The following AUTS2 variants were observed in gnomAD, a reference collection of about 807,000 sequenced individuals.
AUTS2 encodes activator of transcription and developmental regulator AUTS2, also known as autism susceptibility gene 2 protein.
A neutral mutation model predicts 112.4 loss-of-function variants in AUTS2; 17 were observed. That is an observed-to-expected ratio of 0.15 (90% CI 0.10 to 0.23). The LOEUF is 0.23. Among genes scored for constraint, AUTS2 ranks in the 10% least tolerant of loss-of-function variants. AUTS2 has a pLI of 1.00. For missense variants in AUTS2, 1,510 were observed against 1,701.6 expected (o/e 0.89, Z 1.98); for synonymous variants, 751 against 702.7 (o/e 1.07, Z -1.09).
At chr7:69,799,702 C>G (rs1189253965) in intron 1 of AUTS2, among the ~76,000 whole-genome samples, 1 of 152,176 alleles carries the variant, frequency 6.6e-6, no homozygotes, top group Non-Finnish European at 1.5e-5. Flanking sequence ...TTGGCATTCT[C>G]TATGTGGTTT....
chr7:70,133,127 A>G (rs193291808), intron 3 of AUTS2, among the ~76,000 whole-genome samples: 5 of 152,164 alleles, frequency 3.3e-5, no homozygotes, highest in East Asian at 1.9e-4. Flanking sequence ...TCACACATCT[A>G]TGGTGCTTCA....
At chr7:69,695,441 T>G (rs1164173963) in intron 1 of AUTS2, among the ~76,000 whole-genome samples, 1 of 152,148 alleles carries the variant, frequency 6.6e-6, no homozygotes, top group Non-Finnish European at 1.5e-5. Flanking sequence ...GTTATTCAGC[T>G]TAATAAAATA....
At chr7:69,625,419 A>G (rs1028348631) in intron 1 of AUTS2, among the ~76,000 whole-genome samples, 2 of 152,154 alleles carry the variant, frequency 1.3e-5, no homozygotes, top group African/African-American at 4.8e-5. Flanking sequence ...GTGGAAGGGC[A>G]GGCTTTGTGA....
At chr7:70,589,776 T>C (rs1052256079) in intron 5 of AUTS2, among the ~76,000 whole-genome samples, 1 of 152,154 alleles carries the variant, frequency 6.6e-6, no homozygotes, top group Admixed American at 6.5e-5. Flanking sequence ...GTTCAGCTTC[T>C]ATTATAGTTT....
intron 1 of AUTS2, among the ~76,000 whole-genome samples, chr7:69,721,866 G>A (rs765288842): frequency 6.6e-6 from 1 of 152,166 alleles, no homozygotes; most frequent in Non-Finnish European, 1.5e-5. Flanking sequence ...GAGTGATTTT[G>A]ATTTGGCTGC....
chr7:69,762,253 C>T (rs993978173), intron 1 of AUTS2, among the ~76,000 whole-genome samples: 5 of 136,044 alleles, frequency 3.7e-5, no homozygotes, highest in Admixed American at 7.5e-5. Context: ...AGTTCTTTCA[C>T]TTATGATCCT....
intron 1 of AUTS2, among the ~76,000 whole-genome samples, chr7:69,894,458 C>T (rs1794662636): frequency 6.6e-6 from 1 of 151,824 alleles, no homozygotes; most frequent in South Asian, 2.1e-4. Flanking sequence ...ATAGGAGCCC[C>T]CACAGGAAAG....
At chr7:69,638,349 A>C (rs6460523) in intron 1 of AUTS2, among the ~76,000 whole-genome samples, 93,531 of 152,058 alleles carry the variant, frequency 0.62, 29,079 homozygotes, top group East Asian at 0.7. Context: ...ATAGAAGTTC[A>C]GAAAGATGAA....
chr7:69,904,026 G>T (rs1319217307), intron 2 of AUTS2, among the ~76,000 whole-genome samples: 1 of 152,190 alleles, frequency 6.6e-6, no homozygotes, highest in East Asian at 1.9e-4. Context: ...ATCCATCCCA[G>T]TGCCAGGCAT....
At chr7:70,495,697 T>TCA (rs71531703) in intron 5 of AUTS2, among the ~76,000 whole-genome samples, 6 of 9,202 alleles carry the variant, frequency 6.5e-4, no homozygotes, top group Admixed American at 1.0e-3. Flanking sequence ...ACGTACACAG[T>TCA]CACACACACA....
chr7:69,666,632 T>G lies in AUTS2; in HGVS notation c.309+66670T>G, dbSNP rs567561207. ...TTCCTGTCCTGTAAAGTCTAATGGGTGGCTCACACCTGTAATCCCAACACT... is the reference window on the plus strand; with the variant it reads ...TTCCTGTCCTGTAAAGTCTAATGGGGGGCTCACACCTGTAATCCCAACACT... On this transcript the variant is annotated intron_variant, in intron 1 of 18. Coordinates refer to ENST00000342771, the MANE Select transcript of AUTS2 (RefSeq NM_015570.4). 6.1e-3 allele frequency among the ~76,000 whole-genome samples: 933 copies of G among 152,286 alleles called. 8 individuals carry two copies. The highest frequency in any genetic ancestry group is 0.016 in the East Asian group (85 of 5,188).
intron 5 of AUTS2, among the ~76,000 whole-genome samples, chr7:70,581,480 C>T (rs1431064336): frequency 1.3e-5 from 2 of 152,160 alleles, no homozygotes; most frequent in Non-Finnish European, 2.9e-5. Context: ...ATCGCTTAAG[C>T]CAGTGAGTTC....
At chr7:70,325,815 A>C (rs1291003716) in intron 4 of AUTS2, among the ~76,000 whole-genome samples, 2 of 152,208 alleles carry the variant, frequency 1.3e-5, no homozygotes, top group African/African-American at 4.8e-5. Context: ...GGCAAGCCTT[A>C]TCAAGCTGCT....
chr7:70,758,061 C>T (rs189174665), intron 6 of AUTS2, among the ~76,000 whole-genome samples: 38 of 152,128 alleles, frequency 2.5e-4, no homozygotes, highest in African/African-American at 8.9e-4. Flanking sequence ...GGATTACAGG[C>T]GTGAGCCGCT....
At chr7:70,581,586 GACTA>G (rs1802447485) in intron 5 of AUTS2, among the ~76,000 whole-genome samples, 1 of 152,038 alleles carries the variant, frequency 6.6e-6, no homozygotes, top group Non-Finnish European at 1.5e-5. Flanking sequence ...CTTAACCAGA[GACTA>G]ACTATGCACA....
intron 1 of AUTS2, among the ~76,000 whole-genome samples, chr7:69,665,019 C>T (rs1388269793): frequency 2.0e-5 from 3 of 152,134 alleles, no homozygotes; most frequent in Non-Finnish European, 4.4e-5. Context: ...AGGTTGGCAT[C>T]AGGCTAACTT....
At chr7:70,254,953 C>G (rs1457901505) in intron 4 of AUTS2, among the ~76,000 whole-genome samples, 2 of 152,012 alleles carry the variant, frequency 1.3e-5, no homozygotes, top group African/African-American at 4.8e-5. Context: ...CATAACAATC[C>G]TCATCATAAG....
chr7:70,566,036 C>T (rs1801694463), intron 5 of AUTS2, among the ~76,000 whole-genome samples: 1 of 152,180 alleles, frequency 6.6e-6, no homozygotes, highest in African/African-American at 2.4e-5. Flanking sequence ...CACTTAAGTA[C>T]TGATAACATT....
At chr7:69,909,451 G>A (rs1795270320) in intron 2 of AUTS2, among the ~76,000 whole-genome samples, 2 of 151,924 alleles carry the variant, frequency 1.3e-5, no homozygotes, top group Admixed American at 1.3e-4. Context: ...TTTCCCATCT[G>A]TAGACAATGA....
Sources: gnomAD v4.1 joint callset for allele counts (sites outside exome capture counted in the v4.1 genomes callset) on GRCh38, gnomAD v4.1.1 for gene constraint, MANE v1.5 for transcripts, NCBI Gene and HGNC (gene_info 2026-07-23, HGNC 2026-07-21) for gene names.